SEMA3A: variants seen among roughly 807,000 people sequenced by gnomAD.
The protein encoded by SEMA3A is semaphorin 3A.
A neutral mutation model predicts 97.9 loss-of-function variants in SEMA3A; 29 were observed. That is an observed-to-expected ratio of 0.30 (90% CI 0.22 to 0.40). The LOEUF is 0.40. Ranked by LOEUF, SEMA3A falls within the 10% of genes least tolerant of loss-of-function variation. SEMA3A has a pLI of 1.00. For synonymous variants in SEMA3A, 321 were observed against 323.7 expected (o/e 0.99, Z 0.09); for missense variants, 763 against 951.3 (o/e 0.80, Z 2.60).
At chr7:84,030,909 T>C (rs997744334) in intron 6 of SEMA3A, among the ~76,000 whole-genome samples, 4 of 151,878 alleles carry the variant, frequency 2.6e-5, no homozygotes, top group African/African-American at 9.7e-5. Flanking sequence ...AATTCTTTAA[T>C]AGGATAGATT....
intron 3 of SEMA3A, among the ~76,000 whole-genome samples, chr7:84,264,942 A>T (rs1333559460): frequency 2.0e-5 from 3 of 152,124 alleles, no homozygotes; most frequent in Non-Finnish European, 4.4e-5. Flanking sequence ...TGTGGTCTCC[A>T]CTTTGAGTTT....
At chr7:84,382,746 T>C (rs1442908982) in intron 1 of SEMA3A, among the ~76,000 whole-genome samples, 1 of 131,900 alleles carries the variant, frequency 7.6e-6, no homozygotes, top group African/African-American at 2.8e-5. Context: ...GGCGTGGTGG[T>C]GGGTGCCTGT....
rs577784876 is a variant in SEMA3A at position 84,050,708 on chromosome 7, G to C, written c.548-4265C>G. On this transcript the variant is annotated intron_variant, in intron 5 of 16. Transcript: ENST00000265362. ...TCTTATGCTGTGCAGAAGCTCTTTA[G>C]TTTAATTAGATCCCATTTGTTGATT... is the stretch of plus-strand genomic sequence containing the variant. Among the ~76,000 whole-genome samples, 174 of 152,250 alleles carry C rather than the reference G, an allele frequency of 1.1e-3. 1 individual carries two copies. Among genetic ancestry groups the C allele is most frequent in the African/African-American group, 4.1e-3 (169 of 41,550 alleles).
In SEMA3A at chr7:84,287,424, C is replaced by T. The variant is rs533353886; in HGVS notation, c.-83+19783G>A. Among the ~76,000 whole-genome samples the T allele has an allele frequency of 2.5e-4, 38 of 152,122 alleles. No individual in the cohort carries two copies. In the South Asian group the frequency reaches 7.3e-3, roughly 29 times the overall value. On this transcript the variant is annotated intron_variant, in intron 3 of 3. Transcript: ENST00000424555. ...TTGAATGTAAAGTATTTCTGTTTTT[C>T]AGTAATTCCAAAAGAGCATGTATTT...
intron 1 of SEMA3A, among the ~76,000 whole-genome samples, chr7:84,375,496 A>C (rs1471183763): frequency 2.0e-5 from 3 of 152,042 alleles, no homozygotes; most frequent in African/African-American, 7.2e-5. Flanking sequence ...ATTTCATTTG[A>C]TCTATATGCC....
At chr7:84,475,106 A>G (rs1293361705) in intron 1 of SEMA3A, among the ~76,000 whole-genome samples, 1 of 152,116 alleles carries the variant, frequency 6.6e-6, no homozygotes, top group Non-Finnish European at 1.5e-5. Flanking sequence ...GCCGGGTCCC[A>G]GGAGTGCAGG....
intron 14 of SEMA3A, among the ~76,000 whole-genome samples, chr7:83,981,097 C>G (rs959197694): frequency 3.3e-5 from 5 of 152,270 alleles, no homozygotes; most frequent in Admixed American, 3.3e-4. Context: ...GGACAAGACT[C>G]AGTCTAGATT....
chr7:84,409,341 T>TA (rs1054791422), intron 1 of SEMA3A, among the ~76,000 whole-genome samples: 6 of 151,662 alleles, frequency 4.0e-5, no homozygotes, highest in African/African-American at 7.3e-5. Flanking sequence ...TTTTTTAAAA[T>TA]AAAAAAATTA....
chr7:84,414,761 T>C (rs1468657130), intron 1 of SEMA3A, among the ~76,000 whole-genome samples: 1 of 152,080 alleles, frequency 6.6e-6, no homozygotes. Flanking sequence ...GAACAAAGTG[T>C]AATTTCACAT....
chr7:84,382,702 C>CAAAAAAAA (rs377120252), intron 1 of SEMA3A, among the ~76,000 whole-genome samples: 2 of 82,070 alleles, frequency 2.4e-5, no homozygotes, highest in Non-Finnish European at 4.7e-5. Flanking sequence ...ACTAAAAATC[C>CAAAAAAAA]AAAAAAAAAA....
chr7:84,476,519 C>T (rs911276843), intron 1 of SEMA3A, among the ~76,000 whole-genome samples: 1 of 151,910 alleles, frequency 6.6e-6, no homozygotes, highest in Non-Finnish European at 1.5e-5. Flanking sequence ...TTAATTGAAA[C>T]AACATCCAAC....
At chr7:84,348,163 C>A (rs888903936) in intron 2 of SEMA3A, among the ~76,000 whole-genome samples, 2 of 152,172 alleles carry the variant, frequency 1.3e-5, no homozygotes, top group Non-Finnish European at 2.9e-5. Context: ...TATTAAATTT[C>A]ACTTATCAAA....
chr7:84,051,186 A>T (rs538498950), intron 5 of SEMA3A, among the ~76,000 whole-genome samples: 2 of 148,462 alleles, frequency 1.3e-5, no homozygotes, highest in Non-Finnish European at 3.0e-5. Context: ...TTGACTTTGC[A>T]ATGCGGGCTC....
chr7:84,229,302 CA>C (rs1799063052), intron 3 of SEMA3A, among the ~76,000 whole-genome samples: 1 of 152,086 alleles, frequency 6.6e-6, no homozygotes, highest in South Asian at 2.1e-4. Flanking sequence ...TAATATAACT[CA>C]AAATTGCAAA....
intron 5 of SEMA3A, among the ~76,000 whole-genome samples, chr7:84,058,229 A>C (rs1456539406): frequency 1.3e-5 from 2 of 152,122 alleles, no homozygotes; most frequent in African/African-American, 4.8e-5. Context: ...TATTTGTACC[A>C]ATGAGGAAGG....
chr7:84,398,249 C>T (rs1232688924), intron 1 of SEMA3A, among the ~76,000 whole-genome samples: 2 of 152,124 alleles, frequency 1.3e-5, no homozygotes, highest in Non-Finnish European at 2.9e-5. Flanking sequence ...CTAATAGTAG[C>T]TACAATTTAT....
intron 4 of SEMA3A, among the ~76,000 whole-genome samples, chr7:84,076,195 T>C (rs1793941370): frequency 6.6e-6 from 1 of 152,288 alleles, no homozygotes; most frequent in South Asian, 2.1e-4. Flanking sequence ...GAATAATTCA[T>C]TTTCTAGGAT....
chr7:84,383,168 A>C (rs1009677836), intron 1 of SEMA3A, among the ~76,000 whole-genome samples: 3 of 152,158 alleles, frequency 2.0e-5, no homozygotes, highest in African/African-American at 4.8e-5. Flanking sequence ...TTAATAATGA[A>C]CTGGAGAAAA....
At chr7:84,217,269 T>C (rs1407339709) in intron 3 of SEMA3A, among the ~76,000 whole-genome samples, 3 of 152,100 alleles carry the variant, frequency 2.0e-5, no homozygotes, top group Admixed American at 2.0e-4. Context: ...AACTTCCTCC[T>C]CTCTAAAAAA....
Sources: allele counts gnomAD v4.1 joint callset (sites outside exome capture counted in the v4.1 genomes callset), GRCh38; gene constraint gnomAD v4.1.1; transcripts MANE v1.5; gene names NCBI Gene and HGNC (gene_info 2026-07-23, HGNC 2026-07-21).